Variants in MAGI1 observed in about 807,000 individuals in gnomAD.
MAGI1 encodes membrane associated guanylate kinase, WW and PDZ domain containing 1, also known as membrane-associated guanylate kinase, WW and PDZ domain-containing protein 1.
A neutral mutation model predicts 139.9 loss-of-function variants in MAGI1; 58 were observed. The observed-to-expected ratio is 0.41, with a 90% CI of 0.34 to 0.52. MAGI1 has a LOEUF of 0.52. MAGI1 is among the 20% of genes least tolerant of loss of function. The pLI, the probability that MAGI1 is intolerant of heterozygous loss-of-function variation, is 0.12. For missense variants in MAGI1, 1,874 were observed against 1,901.6 expected (o/e 0.99, Z 0.27); for synonymous variants, 812 against 737.9 (o/e 1.10, Z -1.63).
chr3:65,812,150 A>G (rs1311851407), intron 1 of MAGI1, among the ~76,000 whole-genome samples: 7 of 152,252 alleles, frequency 4.6e-5, no homozygotes, highest in Admixed American at 4.6e-4. Flanking sequence ...TTTTTCCCAG[A>G]CACCAGACAC....
Position 65,925,576 on chromosome 3 carries a change from T to C in MAGI1, c.313+112420A>G, listed in dbSNP as rs527649196. 1.6e-3 allele frequency among the ~76,000 whole-genome samples: 244 copies of C among 152,316 alleles called. 1 individual carries two copies. Among genetic ancestry groups the C allele is most frequent in the African/African-American group, 5.3e-3 (220 of 41,568 alleles). The stretch of plus-strand genomic sequence containing the variant: ...TATTTCTATAACCTAGAACACTAAA[T>C]ACTCCTTTAACAATTAGAACGTTTG... On this transcript the variant is annotated intron_variant, in intron 1 of 22. Coordinates refer to ENST00000402939, the MANE Select transcript of MAGI1 (RefSeq NM_001033057.2).
At chr3:65,712,113 C>T (rs1218784804) in intron 1 of MAGI1, among the ~76,000 whole-genome samples, 2 of 152,188 alleles carry the variant, frequency 1.3e-5, no homozygotes, top group African/African-American at 4.8e-5. Context: ...TTCTGTTACA[C>T]TCCTCCCATT....
intron 1 of MAGI1, among the ~76,000 whole-genome samples, chr3:65,863,185 C>G (rs2059611814): frequency 6.6e-6 from 1 of 152,212 alleles, no homozygotes; most frequent in Non-Finnish European, 1.5e-5. Flanking sequence ...AGGAACAGTT[C>G]AAATACCATC....
intron 2 of MAGI1, among the ~76,000 whole-genome samples, chr3:65,566,335 C>G (rs1264742521): frequency 6.6e-6 from 1 of 152,030 alleles, no homozygotes; most frequent in Non-Finnish European, 1.5e-5. Context: ...CATATATTAT[C>G]TATGTACTCA....
rs1941448846 is a variant in MAGI1 at position 65,366,707 on chromosome 3, G to A, written c.3197-1761C>T. Among the ~76,000 whole-genome samples the A allele has an allele frequency of 2.6e-5, 4 of 152,268 alleles. No homozygotes were observed. The South Asian group carries it at 6.2e-4, about 24-fold the overall frequency. ...CATTGGGAATAAGAGAATTATCTAA[G>A]GAAATTGGGGCAAAGATGATCCAAG... On this transcript the variant is annotated intron_variant, in intron 18 of 22. Coordinates refer to ENST00000402939, the MANE Select transcript of MAGI1 (RefSeq NM_001033057.2).
At chr3:65,364,615 G>C in intron 20 of MAGI1, 50 bp downstream of exon 20, 2 of 1,509,280 alleles carry the variant, frequency 1.3e-6, no homozygotes, top group East Asian at 4.5e-5. Context: ...GCTTGAGAAA[G>C]TTGGAAGGAA....
At chr3:65,935,093 T>C (rs186201322) in intron 1 of MAGI1, among the ~76,000 whole-genome samples, 2 of 152,212 alleles carry the variant, frequency 1.3e-5, no homozygotes, top group Admixed American at 6.5e-5. Flanking sequence ...TCCCCAAATC[T>C]AGGGTGTTTG....
At position 65,509,827 on chromosome 3, in the gene MAGI1, C is replaced by T. The variant is rs1576101927; in HGVS notation, c.431-16196G>A. ...ACAGCTCAAGGAGGCCTGCCTGCCT[C>T]TGTAGGCTCCACCTCTGGGGGCAGG... On this transcript the variant is annotated intron_variant, in intron 2 of 22. Transcript: ENST00000402939. Among the ~76,000 whole-genome samples, 6 of 152,236 alleles carry T rather than the reference C, an allele frequency of 3.9e-5. No individual in the cohort carries two copies. In the South Asian group the frequency reaches 1.2e-3, roughly 32 times the overall value.
At chr3:65,635,238 T>C (rs2107187544) in intron 1 of MAGI1, among the ~76,000 whole-genome samples, 1 of 152,266 alleles carries the variant, frequency 6.6e-6, no homozygotes, top group Non-Finnish European at 1.5e-5. Context: ...CTAATTTTTG[T>C]ATTTTTAGTA....
intron 3 of MAGI1, among the ~76,000 whole-genome samples, chr3:65,489,255 T>TA (rs1331069185): frequency 6.6e-6 from 1 of 152,154 alleles, no homozygotes. Flanking sequence ...AATAATTAAT[T>TA]AAAAAACATA....
chr3:66,001,211 T>C (rs1479794776), intron 1 of MAGI1, among the ~76,000 whole-genome samples: 2 of 151,956 alleles, frequency 1.3e-5, no homozygotes, highest in East Asian at 3.9e-4. Context: ...CAAGTAGGAA[T>C]TGGTTCGATT....
chr3:65,895,933 C>A (rs553104523), intron 1 of MAGI1, among the ~76,000 whole-genome samples: 6 of 152,168 alleles, frequency 3.9e-5, no homozygotes, highest in African/African-American at 4.8e-5. Flanking sequence ...GATAGATACC[C>A]AGGTTGTTCT....
intron 1 of MAGI1, among the ~76,000 whole-genome samples, chr3:65,892,561 C>T (rs562941601): frequency 2.9e-4 from 44 of 152,184 alleles, no homozygotes; most frequent in African/African-American, 1.0e-3. Flanking sequence ...AAGAACTTAC[C>T]TAAAACATTA....
At chr3:65,484,951 G>A (rs1243825600) in intron 3 of MAGI1, among the ~76,000 whole-genome samples, 1 of 152,162 alleles carries the variant, frequency 6.6e-6, no homozygotes, top group Non-Finnish European at 1.5e-5. Flanking sequence ...GAGGCCAGGA[G>A]CCACATCTGA....
At chr3:65,813,291 T>A (rs776434985) in intron 1 of MAGI1, among the ~76,000 whole-genome samples, 2 of 152,086 alleles carry the variant, frequency 1.3e-5, no homozygotes, top group Non-Finnish European at 2.9e-5. Flanking sequence ...CAACTGAGGC[T>A]CCTTTTATTG....
At chr3:65,653,497 G>C (rs1363346396) in intron 1 of MAGI1, among the ~76,000 whole-genome samples, 1 of 152,144 alleles carries the variant, frequency 6.6e-6, no homozygotes, top group Non-Finnish European at 1.5e-5. Context: ...AGGTGTCATG[G>C]ATGTGGGGCA....
intron 1 of MAGI1, among the ~76,000 whole-genome samples, chr3:65,944,539 C>T (rs74424225): frequency 0.058 from 8,761 of 151,900 alleles, 361 homozygotes; most frequent in Middle Eastern, 0.1. Context: ...AAATAAAGTG[C>T]TATTTAAATG....
At chr3:65,666,310 T>C (rs139922911) in intron 1 of MAGI1, among the ~76,000 whole-genome samples, 14 of 152,322 alleles carry the variant, frequency 9.2e-5, no homozygotes, top group African/African-American at 3.4e-4. Context: ...TAAATAGTGA[T>C]TTGGAAATAT....
intron 1 of MAGI1, among the ~76,000 whole-genome samples, chr3:66,007,509 G>A (rs543835451): frequency 6.6e-6 from 1 of 152,334 alleles, no homozygotes; most frequent in East Asian, 1.9e-4. Flanking sequence ...TGAGGAGGAG[G>A]AGAGCGAGGA....
Sources: gnomAD v4.1 joint callset for allele counts (sites outside exome capture counted in the v4.1 genomes callset) on GRCh38, gnomAD v4.1.1 for gene constraint, MANE v1.5 for transcripts, NCBI Gene and HGNC (gene_info 2026-07-23, HGNC 2026-07-21) for gene names.